Variants in SBF2 observed in about 807,000 individuals in gnomAD.
SBF2 encodes the protein SET binding factor 2, also known as myotubularin-related protein 13.
In SBF2, 112 loss-of-function variants were observed where a neutral mutation model predicts 225.2. That is an observed-to-expected ratio of 0.50 (90% CI 0.43 to 0.58). The LOEUF is 0.58. Among genes scored for constraint, SBF2 ranks in the 20% least tolerant of loss-of-function variants. SBF2 has a pLI of 0.00. For synonymous variants in SBF2, 763 were observed against 773.3 expected, an observed-to-expected ratio of 0.99 and a Z score of 0.22; for missense variants, 1,996 against 2,206.2, an observed-to-expected ratio of 0.90 and a Z score of 1.91.
At chr11:10,291,431 C>A (rs950808655) in intron 1 of SBF2, among the ~76,000 whole-genome samples, 1 of 152,132 alleles carries the variant, frequency 6.6e-6, no homozygotes, top group African/African-American at 2.4e-5. Flanking sequence ...AAATAAATTT[C>A]TATTGTTTAT....
At chr11:10,234,129 T>C (rs1244196484) in intron 1 of SBF2, among the ~76,000 whole-genome samples, 1 of 152,234 alleles carries the variant, frequency 6.6e-6, no homozygotes. Flanking sequence ...CTCATTTATA[T>C]GTCCCCTTAC....
chr11:10,214,390 G>A (rs544899202), intron 1 of SBF2, among the ~76,000 whole-genome samples: 1 of 152,246 alleles, frequency 6.6e-6, no homozygotes, highest in South Asian at 2.1e-4. Flanking sequence ...TTTGGAGTCC[G>A]AGGCGGGCGG....
At chr11:9,820,430 G>A (rs149162918) in intron 28 of SBF2, among the ~76,000 whole-genome samples, 35 of 152,336 alleles carry the variant, frequency 2.3e-4, no homozygotes, top group Non-Finnish European at 3.5e-4. Context: ...AAGGCACACT[G>A]TGTGGCCTCC....
At chr11:9,882,685 T>C (rs1248054088) in intron 17 of SBF2, among the ~76,000 whole-genome samples, 5 of 150,096 alleles carry the variant, frequency 3.3e-5, no homozygotes, top group Non-Finnish European at 3.0e-5. Flanking sequence ...CAGGCGCCTG[T>C]AATCCCAGCT....
At chr11:10,095,888 G>C (rs12360569) in intron 2 of SBF2, among the ~76,000 whole-genome samples, 5 of 151,738 alleles carry the variant, frequency 3.3e-5, no homozygotes, top group Non-Finnish European at 5.9e-5. Flanking sequence ...TCAGAGCGGG[G>C]GAAAAAAAGA....
intron 1 of SBF2, among the ~76,000 whole-genome samples, chr11:10,252,542 G>A (rs973135338): frequency 5.3e-5 from 8 of 152,210 alleles, no homozygotes; most frequent in East Asian, 1.9e-4. Context: ...GGTGGCTCAC[G>A]CCTGTAATCC....
intron 6 of SBF2, among the ~76,000 whole-genome samples, chr11:10,021,818 C>G (rs971935099): frequency 2.0e-5 from 3 of 152,130 alleles, no homozygotes; most frequent in African/African-American, 4.8e-5. Flanking sequence ...AAAGTCCAAA[C>G]AAAATGACAG....
At chr11:10,213,632 C>T (rs1958020767) in intron 1 of SBF2, among the ~76,000 whole-genome samples, 1 of 152,178 alleles carries the variant, frequency 6.6e-6, no homozygotes, top group Non-Finnish European at 1.5e-5. Flanking sequence ...TGGGATCTGA[C>T]TCTCGCTATT....
At chr11:10,273,576 G>C (rs1962713943) in intron 1 of SBF2, among the ~76,000 whole-genome samples, 1 of 152,210 alleles carries the variant, frequency 6.6e-6, no homozygotes, top group South Asian at 2.1e-4. Flanking sequence ...TAACATCAAA[G>C]TTTTGTCAAT....
chr11:9,844,807 A>C (rs1471821498), intron 24 of SBF2, among the ~76,000 whole-genome samples: 1 of 152,204 alleles, frequency 6.6e-6, no homozygotes, highest in Non-Finnish European at 1.5e-5. Flanking sequence ...TTTAAAACCT[A>C]GATGATGGAT....
intron 16 of SBF2, among the ~76,000 whole-genome samples, chr11:9,938,581 A>G (rs1865050632): frequency 1.3e-5 from 2 of 152,204 alleles, no homozygotes; most frequent in South Asian, 4.1e-4. Flanking sequence ...ATAACAATCC[A>G]GAAATAAATC....
chr11:10,000,855 A>G (rs1405446819), intron 8 of SBF2, 59 bp downstream of exon 8: 1 of 903,476 alleles, frequency 1.1e-6, no homozygotes, highest in Non-Finnish European at 1.9e-6. Context: ...TATAGGACCC[A>G]AAGAAATATG....
chr11:10,068,771 T>C (rs1590881064), intron 2 of SBF2, among the ~76,000 whole-genome samples: 1 of 152,188 alleles, frequency 6.6e-6, no homozygotes, highest in African/African-American at 2.4e-5. Context: ...GATTCTTCTC[T>C]ACCTCAAAAC....
At chr11:9,809,052 A>G in intron 30 of SBF2, 50 bp from the exon 31 acceptor site, 1 of 1,368,100 alleles carries the variant, frequency 7.3e-7, no homozygotes, top group Non-Finnish European at 1.0e-6. Context: ...TTCTGAGTGC[A>G]GAAGTCAGAG....
At chr11:9,897,177 G>A (rs1861332100) in intron 16 of SBF2, among the ~76,000 whole-genome samples, 1 of 152,084 alleles carries the variant, frequency 6.6e-6, no homozygotes, top group African/African-American at 2.4e-5. Flanking sequence ...ACACATAGAT[G>A]CATAGAATAT....
At chr11:9,908,800 C>T (rs1400988412) in intron 16 of SBF2, among the ~76,000 whole-genome samples, 1 of 151,388 alleles carries the variant, frequency 6.6e-6, no homozygotes, top group South Asian at 2.1e-4. Context: ...CGAGTTCAAG[C>T]GATCCTCCCA....
chr11:9,986,226 C>A (rs1947191833), intron 13 of SBF2, among the ~76,000 whole-genome samples: 1 of 152,088 alleles, frequency 6.6e-6, no homozygotes, highest in Non-Finnish European at 1.5e-5. Context: ...AAAAATTCTT[C>A]AAGCTGAATG....
chr11:9,962,316 T>A (rs545338004), intron 15 of SBF2, among the ~76,000 whole-genome samples: 3 of 152,332 alleles, frequency 2.0e-5, no homozygotes, highest in African/African-American at 7.2e-5. Flanking sequence ...GCAAGAAATA[T>A]AAGATAATTA....
intron 2 of SBF2, among the ~76,000 whole-genome samples, chr11:10,091,125 C>G (rs1951767957): frequency 6.6e-6 from 1 of 152,086 alleles, no homozygotes; most frequent in Non-Finnish European, 1.5e-5. Context: ...TAATACTATC[C>G]TCACTCTCTG....
Sources: allele counts gnomAD v4.1 joint callset (sites outside exome capture counted in the v4.1 genomes callset), GRCh38; gene constraint gnomAD v4.1.1; transcripts MANE v1.5; gene names NCBI Gene and HGNC (gene_info 2026-07-23, HGNC 2026-07-21).